The following NRF1 variants were observed in gnomAD, a reference collection of about 807,000 sequenced individuals.
NRF1 encodes the protein alpha palindromic-binding protein.
In NRF1, 5 loss-of-function variants were observed where a neutral mutation model predicts 58.5. The ratio of observed to expected loss-of-function variants is 0.09; its 90% CI spans 0.04 to 0.18. The LOEUF is 0.18. Ranked by LOEUF, NRF1 falls within the 10% of genes least tolerant of loss-of-function variation. The probability of loss-of-function intolerance (pLI) is 1.00; values close to 1 mark genes in which losing one functional copy is unlikely to be tolerated. For missense variants in NRF1, 288 were observed against 657.7 expected (o/e 0.44, Z 6.15); for synonymous variants, 224 against 246.7 (o/e 0.91, Z 0.86).
At chr7:129,684,797 A>G (rs79947711) in intron 4 of NRF1, among the ~76,000 whole-genome samples, 1,646 of 152,330 alleles carry the variant, frequency 0.011, 31 homozygotes, top group African/African-American at 0.038. Flanking sequence ...TCGTCAACAT[A>G]TAACTATTTA....
chr7:129,662,760 A>AT (rs770467712), intron 2 of NRF1, among the ~76,000 whole-genome samples: 85 of 151,970 alleles, frequency 5.6e-4, no homozygotes, highest in African/African-American at 1.6e-3. Flanking sequence ...TTATTTATTT[A>AT]TTTATTTTAG....
intron 1 of NRF1, among the ~76,000 whole-genome samples, chr7:129,620,023 AG>A (rs1562950460): frequency 6.6e-6 from 1 of 152,064 alleles, no homozygotes; most frequent in Non-Finnish European, 1.5e-5. Context: ...AGATTTTTCA[AG>A]GGGGCTGTTG....
At chr7:129,623,968 G>A (rs1441439180) in intron 1 of NRF1, among the ~76,000 whole-genome samples, 1 of 152,186 alleles carries the variant, frequency 6.6e-6, no homozygotes, top group African/African-American at 2.4e-5. Context: ...TTCTGTATCT[G>A]AAAGGTATGA....
intron 2 of NRF1, among the ~76,000 whole-genome samples, chr7:129,660,369 A>G (rs1018284872): frequency 2.0e-5 from 3 of 150,770 alleles, no homozygotes; most frequent in Non-Finnish European, 2.9e-5. Flanking sequence ...GTCTTAACTC[A>G]TTTCAGCATT....
intron 10 of NRF1, among the ~76,000 whole-genome samples, chr7:129,745,570 G>A (rs559508764): frequency 1.0e-4 from 14 of 133,482 alleles, no homozygotes; most frequent in South Asian, 2.3e-4. Context: ...AAAAATGCTC[G>A]GGACCGCTGC....
At chr7:129,667,338 A>G (rs1801945745) in intron 2 of NRF1, among the ~76,000 whole-genome samples, 1 of 152,214 alleles carries the variant, frequency 6.6e-6, no homozygotes, top group South Asian at 2.1e-4. Flanking sequence ...TAGAGGTTCC[A>G]GCGAGTGCAG....
At chr7:129,687,532 T>C (rs948540102) in intron 4 of NRF1, among the ~76,000 whole-genome samples, 4 of 152,200 alleles carry the variant, frequency 2.6e-5, no homozygotes, top group African/African-American at 4.8e-5. Context: ...CGCCTCGGCC[T>C]CCCAAAGTGC....
chr7:129,639,356 C>T (rs936475633), intron 1 of NRF1, among the ~76,000 whole-genome samples: 2 of 152,018 alleles, frequency 1.3e-5, no homozygotes, highest in African/African-American at 2.4e-5. Context: ...CAGTAATTGG[C>T]GTGGTTCCAG....
Position 129,717,346 on chromosome 7 carries a change from A to G in NRF1, c.1193A>G (p.Gln398Arg). 6.2e-7 allele frequency: 1 copy of G among 1,613,150 alleles called. No individual in the cohort carries two copies. Among genetic ancestry groups the G allele is most frequent in the Non-Finnish European group, 8.5e-7 (1 of 1,179,698 alleles). Reference protein sequence around the residue: ...AAVAASQEMQQGATVTMALNS... With the variant: ...AAVAASQEMQRGATVTMALNS... ...GTGGCAGCTTCTCAGGAGATGCAGCAGGGAGCTACAGTCACTATGGCGCTT... is the reference window on the plus strand; with the variant it reads ...GTGGCAGCTTCTCAGGAGATGCAGCGGGGAGCTACAGTCACTATGGCGCTT... Residue 398 changes from glutamine to arginine, a missense_variant, in exon 9 of 11, where the codon CAG becomes CGG. Transcript: ENST00000393232.
chr7:129,754,490 A>AAAAAT (rs1804204133), intron 10 of NRF1, among the ~76,000 whole-genome samples: 1 of 148,232 alleles, frequency 6.7e-6, no homozygotes, highest in African/African-American at 2.6e-5. Context: ...AAAAGTTAAA[A>AAAAAT]TGGAAAAAAG....
In NRF1 at chr7:129,728,496, C is replaced by G. The variant is rs1443821192; in HGVS notation, c.1348+1131C>G. On this transcript the variant is annotated intron_variant, in intron 10 of 10. Coordinates refer to ENST00000393232, the MANE Select transcript of NRF1 (RefSeq NM_005011.5). ...AAAAAAAAAAAAAAAAAAAAAAAACCAATCCTGGAATGAGGATAGATAAAT... is the reference window on the plus strand; with the variant it reads ...AAAAAAAAAAAAAAAAAAAAAAAACGAATCCTGGAATGAGGATAGATAAAT... 2.2e-5 allele frequency among the ~76,000 whole-genome samples: 3 copies of G among 137,192 alleles called. No individual in the cohort carries two copies. In the East Asian group the frequency reaches 6.1e-4, roughly 28 times the overall value. The allele number at this position is 137,192 out of a possible 152,430, so 90.0% of individuals were successfully genotyped here. A position where few individuals can be genotyped will look rare whatever the true frequency, so the allele number is the denominator to read the frequency against.
At chr7:129,684,237 C>T (rs181665933) in intron 4 of NRF1, among the ~76,000 whole-genome samples, 41 of 151,390 alleles carry the variant, frequency 2.7e-4, no homozygotes, top group Non-Finnish European at 4.6e-4. Context: ...TATAAAAAGT[C>T]TGATAAAACA....
intron 10 of NRF1, among the ~76,000 whole-genome samples, chr7:129,732,358 T>C (rs1240558570): frequency 6.6e-6 from 1 of 151,868 alleles, no homozygotes; most frequent in African/African-American, 2.4e-5. Context: ...AACAAGTTCG[T>C]AAGTATTGGT....
At position 129,720,375 on chromosome 7, in the gene NRF1, G is replaced by A. The variant is rs139500154; in HGVS notation, c.1223+2999G>A. Among the ~76,000 whole-genome samples the A allele has an allele frequency of 5.4e-4, 83 of 152,302 alleles. 1 individual carries two copies. Among genetic ancestry groups the A allele is most frequent in the Admixed American group, 1.1e-3 (17 of 15,298 alleles). ...CCTTAACATTCGCTTCTTTGTGGAC[G>A]AGATGCAGTAGAATCATTTAGTCCT... On this transcript the variant is annotated intron_variant, in intron 9 of 10. Transcript: ENST00000393232.
intron 1 of NRF1, among the ~76,000 whole-genome samples, chr7:129,625,736 C>T (rs1800899752): frequency 1.6e-5 from 2 of 127,862 alleles, no homozygotes; most frequent in Admixed American, 1.0e-4. Context: ...GGCTGGAGTG[C>T]AGTGGTGCGA....
chr7:129,628,711 C>G (rs543067371), intron 1 of NRF1, among the ~76,000 whole-genome samples: 16 of 152,148 alleles, frequency 1.1e-4, no homozygotes, highest in Non-Finnish European at 4.4e-5. Context: ...ATTTTAAGAG[C>G]CTTTTCAGAT....
chr7:129,707,496 T>C lies in NRF1; in HGVS notation c.607-1579T>C, dbSNP rs530464481. 2.0e-5 allele frequency among the ~76,000 whole-genome samples: 3 copies of C among 152,348 alleles called. No individual in the cohort carries two copies. In the South Asian group the frequency reaches 6.2e-4, roughly 32 times the overall value. Reference sequence around the variant, plus strand: ...TTTTAACATGAAGAAGTATAAAATATTGTGTGTGAAGATTAAGCCCTTTCT... The same window carrying C: ...TTTTAACATGAAGAAGTATAAAATACTGTGTGTGAAGATTAAGCCCTTTCT... On this transcript the variant is annotated intron_variant, in intron 5 of 10. Transcript: ENST00000393232.
intron 1 of NRF1, among the ~76,000 whole-genome samples, chr7:129,648,977 ATG>A (rs1362862496): frequency 6.9e-6 from 1 of 144,252 alleles, no homozygotes; most frequent in African/African-American, 2.6e-5. Flanking sequence ...TTTTCTTTCC[ATG>A]TCTGATATCA....
chr7:129,662,740 GTTTATTTA>G (rs558542957), intron 2 of NRF1, among the ~76,000 whole-genome samples: 1 of 151,876 alleles, frequency 6.6e-6, no homozygotes, highest in African/African-American at 2.4e-5. Context: ...CCAATTTAAG[GTTTATTTA>G]TTTATTTATT....
Sources: gnomAD v4.1 joint callset for allele counts (sites outside exome capture counted in the v4.1 genomes callset) on GRCh38, gnomAD v4.1.1 for gene constraint, MANE v1.5 for transcripts, NCBI Gene and HGNC (gene_info 2026-07-23, HGNC 2026-07-21) for gene names.